PARD3B: variants seen among roughly 807,000 people sequenced by gnomAD.
The protein encoded by PARD3B is par-3 family cell polarity regulator beta.
A neutral mutation model predicts 130.2 loss-of-function variants in PARD3B; 103 were observed. That is an observed-to-expected ratio of 0.79 (90% confidence interval 0.67 to 0.93). The LOEUF is 0.93. Ranked by LOEUF, PARD3B falls within the 40% of genes least tolerant of loss-of-function variation. PARD3B has a pLI of 0.00. For synonymous variants in PARD3B, 583 were observed against 553.2 expected (o/e 1.05, Z -0.76); for missense variants, 1,609 against 1,499.2 (o/e 1.07, Z -1.21).
At chr2:204,747,297 G>A (rs2040277382) in intron 2 of PARD3B, among the ~76,000 whole-genome samples, 1 of 151,936 alleles carries the variant, frequency 6.6e-6, no homozygotes, top group Non-Finnish European at 1.5e-5. Flanking sequence ...TAGATGTGTG[G>A]TAGAGCCAAA....
chr2:205,254,088 TAAAAAAAA>T (rs11287171), intron 16 of PARD3B, among the ~76,000 whole-genome samples: 2 of 75,972 alleles, frequency 2.6e-5, no homozygotes, highest in East Asian at 3.9e-4. Context: ...GTAGAGAAAT[TAAAAAAAA>T]AAAAAAAAAA....
intron 22 of PARD3B, among the ~76,000 whole-genome samples, chr2:205,605,961 G>C (rs955640474): frequency 6.6e-6 from 1 of 152,162 alleles, no homozygotes; most frequent in African/African-American, 2.4e-5. Context: ...TTAAATTCCT[G>C]CAGGGAAGAC....
chr2:204,878,727 C>A (rs544074515), intron 2 of PARD3B, among the ~76,000 whole-genome samples: 1 of 151,952 alleles, frequency 6.6e-6, no homozygotes, highest in African/African-American at 2.4e-5. Flanking sequence ...ATTTTTATTT[C>A]TTTGAGGAGC....
intron 16 of PARD3B, among the ~76,000 whole-genome samples, chr2:205,289,826 C>T (rs1032981783): frequency 1.3e-5 from 2 of 152,096 alleles, no homozygotes; most frequent in East Asian, 3.9e-4. Flanking sequence ...GTCATGAGCC[C>T]CCTCAACGTG....
At chr2:204,702,997 GA>G (rs1422664596) in intron 2 of PARD3B, among the ~76,000 whole-genome samples, 1 of 152,142 alleles carries the variant, frequency 6.6e-6, no homozygotes, top group Non-Finnish European at 1.5e-5. Flanking sequence ...ATTCCAATTA[GA>G]ATTTACTTTA....
intron 22 of PARD3B, among the ~76,000 whole-genome samples, chr2:205,602,451 G>T (rs1451322936): frequency 6.6e-6 from 1 of 152,160 alleles, no homozygotes; most frequent in Admixed American, 6.5e-5. Flanking sequence ...AGAAAAAATG[G>T]TATCAGCTCC....
intron 4 of PARD3B, chr2:205,048,481 A>G (rs1004562661): frequency 6.6e-6 from 1 of 152,308 alleles, no homozygotes; most frequent in African/African-American, 2.4e-5. Flanking sequence ...TGAGAATTCA[A>G]TTTTGGCTAA....
At chr2:205,067,797 G>T (rs1271997644) in intron 4 of PARD3B, among the ~76,000 whole-genome samples, 2 of 152,118 alleles carry the variant, frequency 1.3e-5, no homozygotes, top group Non-Finnish European at 2.9e-5. Context: ...ACTGAAAGCA[G>T]CGTAATTCCA....
chr2:205,124,195 T>C (rs973921957), intron 8 of PARD3B, 132 bp from the exon 9 acceptor site: 19 of 792,650 alleles, frequency 2.4e-5, no homozygotes, highest in Non-Finnish European at 3.3e-5. Context: ...TGAAGCATAT[T>C]TAAAATGTCC....
At chr2:205,099,990 C>T (rs1702647853) in intron 4 of PARD3B, among the ~76,000 whole-genome samples, 1 of 151,978 alleles carries the variant, frequency 6.6e-6, no homozygotes, top group Non-Finnish European at 1.5e-5. Flanking sequence ...TCAGAATTAC[C>T]CTTGAGCAGA....
intron 10 of PARD3B, among the ~76,000 whole-genome samples, chr2:205,136,615 A>G (rs1000855032): frequency 6.6e-6 from 1 of 152,164 alleles, no homozygotes; most frequent in Admixed American, 6.5e-5. Context: ...CCCAGCAGCT[A>G]TATATTTCAT....
chr2:204,562,116 A>C (rs906813789), intron 1 of PARD3B, among the ~76,000 whole-genome samples: 1 of 152,280 alleles, frequency 6.6e-6, no homozygotes, highest in East Asian at 1.9e-4. Flanking sequence ...AAGTTTCAGG[A>C]GAGTACTTAC....
Position 204,675,805 on chromosome 2 carries a change from A to T in PARD3B, c.121-10376A>T, listed in dbSNP as rs986714392. On this transcript the variant is annotated intron_variant, in intron 1 of 22. Coordinates refer to ENST00000406610, the MANE Select transcript of PARD3B (RefSeq NM_001302769.2). This position sits in a 1 kb window ranked among gnomAD's most constrained non-coding sequence, Gnocchi z 4.4. Reference sequence around the variant, plus strand: ...AATACTTAAATATTTTTCTATTTGAAAAAGGGAATAAGTAATATTATTAAA... The same window carrying T: ...AATACTTAAATATTTTTCTATTTGATAAAGGGAATAAGTAATATTATTAAA... Among the ~76,000 whole-genome samples, 3 of 152,318 alleles carry T rather than the reference A, an allele frequency of 2.0e-5. No homozygotes were observed. The highest frequency in any genetic ancestry group is 2.0e-4 in the Admixed American group (3 of 15,304).
chr2:205,310,865 A>G (rs1176372463), intron 18 of PARD3B, among the ~76,000 whole-genome samples: 1 of 151,526 alleles, frequency 6.6e-6, no homozygotes, highest in East Asian at 2.0e-4. Context: ...CTGGGGTTAC[A>G]GGTGCCTGCC....
chr2:204,577,306 C>T (rs754986597), intron 1 of PARD3B, among the ~76,000 whole-genome samples: 1 of 152,182 alleles, frequency 6.6e-6, no homozygotes, highest in Non-Finnish European at 1.5e-5. Context: ...ATATGTTAAT[C>T]TATTTAATCC....
chr2:205,446,418 T>C lies in PARD3B; in HGVS notation c.3044+5746T>C, dbSNP rs1216110381. Among the ~76,000 whole-genome samples, 1 of 152,190 alleles carries C rather than the reference T, an allele frequency of 6.6e-6. No homozygotes were observed. The highest frequency in any genetic ancestry group is 2.4e-5 in the African/African-American group (1 of 41,454). On this transcript the variant is annotated intron_variant, in intron 20 of 22. Coordinates refer to ENST00000406610, the MANE Select transcript of PARD3B (RefSeq NM_001302769.2). This position sits in a 1 kb window ranked among gnomAD's most constrained non-coding sequence, Gnocchi z 4.4. ...TCTACTTATTTGTAAAAGGGAAGAT[T>C]ATAATATAGCCTTGCATCCTGTGAT...
intron 2 of PARD3B, among the ~76,000 whole-genome samples, chr2:204,760,424 A>T (rs1468067049): frequency 6.6e-6 from 1 of 152,112 alleles, no homozygotes; most frequent in African/African-American, 2.4e-5. Context: ...AAGTCAGAAG[A>T]AATTATAGCT....
In PARD3B at chr2:205,550,962, TATATATATATATATACAC is replaced by T. The variant is rs1479432183; in HGVS notation, c.3181-2360_3181-2343del. 8.4e-5 allele frequency among the ~76,000 whole-genome samples: 9 copies of T among 107,028 alleles called. No homozygotes were observed. Among genetic ancestry groups the T allele is most frequent in the East Asian group, 7.5e-4 (3 of 4,022 alleles). The allele number at this position is 107,028 out of a possible 152,430, so 70.2% of individuals were successfully genotyped here. A position where few individuals can be genotyped will look rare whatever the true frequency, so the allele number is the denominator to read the frequency against. ...GTGTGTATATATATATGTGTATATA[TATATATATATATATACAC>T]ACACACACACACACACACACACATA... On this transcript the variant is annotated intron_variant, in intron 21 of 22. Coordinates refer to ENST00000406610, the MANE Select transcript of PARD3B (RefSeq NM_001302769.2). The surrounding 1 kb of genome is among the most constrained non-coding windows in gnomAD (Gnocchi z 4.5).
At chr2:204,730,595 A>G (rs2039467127) in intron 2 of PARD3B, among the ~76,000 whole-genome samples, 1 of 151,910 alleles carries the variant, frequency 6.6e-6, no homozygotes, top group Non-Finnish European at 1.5e-5. Flanking sequence ...GAAAAAAAAA[A>G]AAAGTAGTGG....
Sources: allele counts gnomAD v4.1 joint callset (sites outside exome capture counted in the v4.1 genomes callset), GRCh38; gene constraint gnomAD v4.1.1; non-coding constraint Gnocchi (gnomAD v3.1); transcripts MANE v1.5; gene names NCBI Gene and HGNC (gene_info 2026-07-23, HGNC 2026-07-21).